Variants in ABCG8 observed in about 807,000 individuals in gnomAD.
The protein encoded by ABCG8 is ATP-binding cassette sub-family G member 8.
A neutral mutation model predicts 71.3 loss-of-function variants in ABCG8; 81 were observed. The ratio of observed to expected loss-of-function variants is 1.14; its 90% CI spans 0.95 to 1.37. The LOEUF is 1.37. Among genes scored for constraint, ABCG8 ranks in the 40% most tolerant of loss-of-function variants. The pLI, the probability that ABCG8 is intolerant of heterozygous loss-of-function variation, is 0.00. For synonymous variants in ABCG8, 451 were observed against 354.7 expected (o/e 1.27, Z -3.05); for missense variants, 1,119 against 866.2 (o/e 1.29, Z -3.66).
chr2:43,844,188 C>G (rs565529058), intron 1 of ABCG8, among the ~76,000 whole-genome samples: 2 of 152,166 alleles, frequency 1.3e-5, no homozygotes, highest in East Asian at 3.9e-4. Context: ...ATAGAACTCT[C>G]TCCGGTCCAG....
At chr2:43,839,765 C>T (rs957208722) in intron 1 of ABCG8, among the ~76,000 whole-genome samples, 1 of 152,054 alleles carries the variant, frequency 6.6e-6, no homozygotes, top group Non-Finnish European at 1.5e-5. Flanking sequence ...GAAATGTGCT[C>T]ACACATGCCA....
intron 2 of ABCG8, among the ~76,000 whole-genome samples, chr2:43,845,080 A>ATG (rs71393208): frequency 5.8e-4 from 81 of 139,104 alleles, no homozygotes; most frequent in African/African-American, 1.2e-3. Context: ...TTATATATAT[A>ATG]TGTGTGTGTG....
intron 3 of ABCG8, among the ~76,000 whole-genome samples, chr2:43,850,273 C>T (rs981457242): frequency 1.3e-5 from 2 of 152,094 alleles, no homozygotes; most frequent in Non-Finnish European, 2.9e-5. Flanking sequence ...CCTAGCTCCA[C>T]GGTAGGAAGA....
intron 6 of ABCG8, among the ~76,000 whole-genome samples, chr2:43,859,875 C>T (rs923485616): frequency 6.6e-6 from 1 of 151,484 alleles, no homozygotes; most frequent in African/African-American, 2.4e-5. Context: ...CTGGATAGAA[C>T]TCTCACTATC....
At position 43,880,663 on chromosome 2, in the gene ABCG8, T is replaced by TGTGCGC. The variant is rs1553385521; in HGVS notation, c.*2751_*2752insTGCGCG. ...CAGAGTTAGGGAGTGTGTGTGTGTG[T>TGTGCGC]GCGCGCGCGCGCGCGCATGTGCATA... On this transcript the variant is annotated 3_prime_UTR_variant, in exon 13 of 13. Coordinates refer to ENST00000272286, the MANE Select transcript of ABCG8 (RefSeq NM_022437.3). 6.6e-6 allele frequency: 1 copy of TGTGCGC among 151,764 alleles called. No homozygotes were observed. The highest frequency in any genetic ancestry group is 1.5e-5 in the Non-Finnish European group (1 of 67,964). 9.4% of individuals were successfully genotyped at this position (151,764 alleles called of 1,614,324 possible).
chr2:43,855,606 A>G (rs185744406), intron 6 of ABCG8, among the ~76,000 whole-genome samples: 50 of 151,346 alleles, frequency 3.3e-4, no homozygotes, highest in South Asian at 8.4e-4. Flanking sequence ...AGATAGAATT[A>G]TCACTCTCTG....
In ABCG8 at chr2:43,846,271, A is replaced by C. The variant is rs1668740293; in HGVS notation, c.282A>C (p.Lys94Asn). The C allele has an allele frequency of 1.2e-6, 2 of 1,614,078 alleles. No individual in the cohort carries two copies. The highest frequency in any genetic ancestry group is 2.7e-5 in the African/African-American group (2 of 74,928). The change falls in exon 3 of 13, where the codon AAA (lysine) becomes AAC (asparagine). Residue 94 changes from lysine to asparagine, a missense_variant. Transcript: ENST00000272286. ...CELGIQNLSFKVRSGQMLAII... is the reference protein window; with the variant it reads ...CELGIQNLSFNVRSGQMLAII... ...TGGGCATCCAGAACCTAAGCTTCAA[A>C]GTGAGAAGTGGGCAGATGCTGGCCA...
chr2:43,840,175 C>G (rs918723755), intron 1 of ABCG8, among the ~76,000 whole-genome samples: 12 of 152,162 alleles, frequency 7.9e-5, no homozygotes, highest in African/African-American at 2.7e-4. Context: ...TCGAGGATTC[C>G]ACACCCAATG....
chr2:43,875,125 T>C, intron 10 of ABCG8, 21 bp from the exon 11 acceptor site: 1 of 1,614,184 alleles, frequency 6.2e-7, no homozygotes, highest in Middle Eastern at 1.6e-4. Flanking sequence ...TTCATATCCT[T>C]GCAAGGGCTG....
intron 6 of ABCG8, among the ~76,000 whole-genome samples, chr2:43,868,301 C>A (rs1179279139): frequency 6.6e-6 from 1 of 151,872 alleles, no homozygotes; most frequent in Non-Finnish European, 1.5e-5. Flanking sequence ...ATAGAATTCT[C>A]ACCATCTGGA....
chr2:43,864,652 C>G (rs1168810158), intron 6 of ABCG8, among the ~76,000 whole-genome samples: 1 of 151,800 alleles, frequency 6.6e-6, no homozygotes, highest in Non-Finnish European at 1.5e-5. Context: ...CTCTCACTAT[C>G]TGGATGGAAT....
At position 43,880,269 on chromosome 2, in the gene ABCG8, G is replaced by T. The variant is rs889701768; in HGVS notation, c.*2356G>T. 16 of 151,418 alleles carry T rather than the reference G, an allele frequency of 1.1e-4. No individual in the cohort carries two copies. The highest frequency in any genetic ancestry group is 3.7e-4 in the African/African-American group (15 of 40,916). 9.4% of individuals were successfully genotyped at this position (151,418 alleles called of 1,614,324 possible). The stretch of plus-strand genomic sequence containing the variant: ...GCTCACTGCAACCTCTGCCTCCCAG[G>T]TTCAAGCGATTGCCTTGCCTCAGCC... On this transcript the variant is annotated 3_prime_UTR_variant, in exon 13 of 13. Transcript: ENST00000272286.
intron 6 of ABCG8, among the ~76,000 whole-genome samples, chr2:43,866,007 A>G (rs1441186765): frequency 6.6e-6 from 1 of 152,030 alleles, no homozygotes; most frequent in African/African-American, 2.4e-5. Context: ...ATATAGATCA[A>G]TAGAACAGAA....
At chr2:43,866,845 G>A (rs904002315) in intron 6 of ABCG8, among the ~76,000 whole-genome samples, 1 of 150,952 alleles carries the variant, frequency 6.6e-6, no homozygotes, top group African/African-American at 2.4e-5. Flanking sequence ...CCCATTACTG[G>A]GTATATACCC....
chr2:43,874,492 G>T lies in ABCG8; in HGVS notation c.1488+9G>T. 6.3e-7 allele frequency: 1 copy of T among 1,593,088 alleles called. No homozygotes were observed. The highest frequency in any genetic ancestry group is 2.3e-5 in the East Asian group (1 of 43,428). On this transcript the variant is annotated intron_variant, in intron 10 of 12. Transcript: ENST00000272286. ...CATATTTCTTTGCCAAGGTGACTGG[G>T]CAGGGTTGAGAGCAAGTGCCCCCCA...
At chr2:43,840,797 C>T (rs1298257462) in intron 1 of ABCG8, among the ~76,000 whole-genome samples, 1 of 152,194 alleles carries the variant, frequency 6.6e-6, no homozygotes, top group African/African-American at 2.4e-5. Context: ...CCATCCCACT[C>T]CATGGGGCCC....
intron 11 of ABCG8, among the ~76,000 whole-genome samples, chr2:43,877,304 G>A (rs1174896570): frequency 6.6e-6 from 1 of 151,094 alleles, no homozygotes; most frequent in East Asian, 2.0e-4. Context: ...TGAGCAGACT[G>A]TGTGAATATG....
At chr2:43,864,807 T>C (rs887436649) in intron 6 of ABCG8, among the ~76,000 whole-genome samples, 2 of 146,070 alleles carry the variant, frequency 1.4e-5, no homozygotes, top group African/African-American at 5.1e-5. Context: ...TGTATAAAAC[T>C]CTCACTATCT....
At chr2:43,874,173 A>T (rs918736360) in intron 9 of ABCG8, among the ~76,000 whole-genome samples, 187 bp downstream of exon 9, 1 of 152,160 alleles carries the variant, frequency 6.6e-6, no homozygotes, top group Non-Finnish European at 1.5e-5. Flanking sequence ...AGCTGTTCCT[A>T]TCCTAGCAGG....
Sources: gnomAD v4.1 joint callset for allele counts (sites outside exome capture counted in the v4.1 genomes callset) on GRCh38, gnomAD v4.1.1 for gene constraint, MANE v1.5 for transcripts, NCBI Gene and HGNC (gene_info 2026-07-23, HGNC 2026-07-21) for gene names.